RBPJ: variants seen among roughly 807,000 people sequenced by gnomAD.
The protein encoded by RBPJ is recombination signal binding protein for immunoglobulin kappa J region.
Under a neutral mutation model 67.8 loss-of-function variants are expected in RBPJ, and 9 were observed. The ratio of observed to expected loss-of-function variants is 0.13; its 90% CI spans 0.08 to 0.23. RBPJ has a LOEUF of 0.23. Among genes scored for constraint, RBPJ ranks in the 10% least tolerant of loss-of-function variants. The probability of loss-of-function intolerance (pLI) is 1.00; values close to 1 mark genes in which losing one functional copy is unlikely to be tolerated. For synonymous variants in RBPJ, 198 were observed against 203.3 expected (o/e 0.97, Z 0.22); for missense variants, 305 against 595.6 (o/e 0.51, Z 5.08).
At chr4:26,171,083 C>T (rs116676932) in intron 1 of RBPJ, among the ~76,000 whole-genome samples, 151 of 152,260 alleles carry the variant, frequency 9.9e-4, no homozygotes, top group African/African-American at 3.2e-3. Context: ...CCTGTGTTTG[C>T]GCTGTGCCTC....
chr4:26,128,068 G>A, the RBPJ span, among the ~76,000 whole-genome samples: 1 of 152,232 alleles, frequency 6.6e-6, no homozygotes, highest in Non-Finnish European at 1.5e-5. Flanking sequence ...GGCCCCTGCT[G>A]CCTTTCAGAT....
the RBPJ span, among the ~76,000 whole-genome samples, chr4:26,106,055 A>G: frequency 6.6e-6 from 1 of 152,248 alleles, no homozygotes; most frequent in Non-Finnish European, 1.5e-5. Context: ...CCAGAGCCAA[A>G]CAGGACTATC....
At chr4:26,309,674 C>T (rs1722360799) in intron 1 of RBPJ, among the ~76,000 whole-genome samples, 1 of 152,148 alleles carries the variant, frequency 6.6e-6, no homozygotes, top group Non-Finnish European at 1.5e-5. Flanking sequence ...TGGCTTATTA[C>T]AGAACCCAAA....
chr4:26,392,620 T>C (rs1731628356), intron 2 of RBPJ, among the ~76,000 whole-genome samples: 1 of 152,128 alleles, frequency 6.6e-6, no homozygotes, highest in South Asian at 2.1e-4. Context: ...TGCAAACTGA[T>C]CTGTACTGAC....
At chr4:26,425,711 C>T (rs1735584139) in intron 7 of RBPJ, among the ~76,000 whole-genome samples, 1 of 152,166 alleles carries the variant, frequency 6.6e-6, no homozygotes, top group South Asian at 2.1e-4. Flanking sequence ...AATTTTCCCT[C>T]TCCTTTTCTC....
At chr4:26,359,596 C>G (rs1431953067) in intron 1 of RBPJ, 1 of 152,088 alleles carries the variant, frequency 6.6e-6, no homozygotes, top group Admixed American at 6.5e-5. Flanking sequence ...TCCCTGCTTG[C>G]GCGGTGCGCT....
At chr4:26,368,679 G>C (rs902187830) in intron 1 of RBPJ, among the ~76,000 whole-genome samples, 2 of 152,218 alleles carry the variant, frequency 1.3e-5, no homozygotes, top group Non-Finnish European at 2.9e-5. Context: ...CCCAAGGGTG[G>C]TGAGGGGATT....
the RBPJ span, among the ~76,000 whole-genome samples, chr4:26,115,155 C>G: frequency 1.3e-5 from 2 of 152,188 alleles, no homozygotes; most frequent in Non-Finnish European, 2.9e-5. Context: ...TTCACAGAAC[C>G]TGCTGTCAAA....
chr4:26,186,135 A>G (rs772493791), intron 1 of RBPJ, among the ~76,000 whole-genome samples: 67 of 151,664 alleles, frequency 4.4e-4, no homozygotes, highest in Non-Finnish European at 8.5e-4. Context: ...TAGGCCTGAT[A>G]GACATCCACT....
At chr4:26,223,638 A>G (rs76762096) in intron 1 of RBPJ, among the ~76,000 whole-genome samples, 2,372 of 152,312 alleles carry the variant, frequency 0.016, 79 homozygotes, top group African/African-American at 0.054. Flanking sequence ...GGGCTGGCTG[A>G]CCAAGGGCTT....
intron 1 of RBPJ, among the ~76,000 whole-genome samples, chr4:26,337,527 C>T (rs1577466244): frequency 7.0e-6 from 1 of 142,956 alleles, no homozygotes. Context: ...TTGTTTCCAA[C>T]TTTTTTTTTT....
intron 1 of RBPJ, among the ~76,000 whole-genome samples, chr4:26,267,908 C>T (rs751754060): frequency 1.8e-4 from 28 of 151,736 alleles, no homozygotes; most frequent in Admixed American, 7.9e-4. Flanking sequence ...GCACCCGACC[C>T]ACAATTTCAA....
At chr4:26,115,640 T>C in the RBPJ span, among the ~76,000 whole-genome samples, 8 of 152,336 alleles carry the variant, frequency 5.3e-5, no homozygotes, top group Non-Finnish European at 1.2e-4. Flanking sequence ...CGCCTCGGCC[T>C]CCCAAAGTGC....
chr4:26,390,978 G>A (rs1731438886), intron 2 of RBPJ, among the ~76,000 whole-genome samples: 1 of 152,146 alleles, frequency 6.6e-6, no homozygotes, highest in Non-Finnish European at 1.5e-5. Context: ...GATTGCCTGA[G>A]CCCAGGAGGT....
intron 1 of RBPJ, among the ~76,000 whole-genome samples, chr4:26,185,077 G>A (rs1717183999): frequency 6.6e-6 from 1 of 151,638 alleles, no homozygotes; most frequent in South Asian, 2.1e-4. Flanking sequence ...GGAAGGCAGA[G>A]GTTAGAGTGA....
At chr4:26,122,666 A>G in the RBPJ span, among the ~76,000 whole-genome samples, 1 of 152,324 alleles carries the variant, frequency 6.6e-6, no homozygotes, top group East Asian at 1.9e-4. Context: ...ATAAGGAAGG[A>G]GTAACATATC....
chr4:26,197,226 A>G (rs1717799846), intron 1 of RBPJ, among the ~76,000 whole-genome samples: 2 of 152,162 alleles, frequency 1.3e-5, no homozygotes, highest in Non-Finnish European at 2.9e-5. Context: ...AGGACTGGTT[A>G]TGATAAGATC....
the RBPJ span, among the ~76,000 whole-genome samples, chr4:26,106,267 C>A: frequency 6.6e-6 from 1 of 152,118 alleles, no homozygotes; most frequent in African/African-American, 2.4e-5. Context: ...CAATAGAGTT[C>A]TAGATATTTG....
chr4:26,407,376 G>A (rs1165230300), intron 3 of RBPJ, among the ~76,000 whole-genome samples: 1 of 152,170 alleles, frequency 6.6e-6, no homozygotes, highest in African/African-American at 2.4e-5. Context: ...CATACTACTT[G>A]AATGTGGACT....
Sources: gnomAD v4.1 joint callset for allele counts (sites outside exome capture counted in the v4.1 genomes callset) on GRCh38, gnomAD v4.1.1 for gene constraint, MANE v1.5 for transcripts, NCBI Gene and HGNC (gene_info 2026-07-23, HGNC 2026-07-21) for gene names.